SAMMSON: variants seen among roughly 807,000 people sequenced by gnomAD.
SAMMSON encodes survival associated mitochondrial melanoma specific oncogenic non-coding RNA.
intron 4 of SAMMSON, among the ~76,000 whole-genome samples, chr3:70,221,433 G>T (rs898381916): frequency 6.6e-6 from 1 of 152,144 alleles, no homozygotes; most frequent in African/African-American, 2.4e-5. Context: ...AACTGGTAAA[G>T]ATTAGGAGGA....
intron 2 of SAMMSON, among the ~76,000 whole-genome samples, chr3:70,419,022 TTTCTTTCTTTC>T (rs1220184889): frequency 6.9e-6 from 1 of 145,180 alleles, no homozygotes; most frequent in African/African-American, 2.6e-5. Context: ...TCTTTCCTTC[TTTCTTTCTTTC>T]TTCTTTCTTT....
intron 2 of SAMMSON, among the ~76,000 whole-genome samples, chr3:70,405,236 C>A (rs1701169109): frequency 6.6e-6 from 1 of 152,078 alleles, no homozygotes; most frequent in African/African-American, 2.4e-5. Flanking sequence ...ACCTTCCCTA[C>A]CAAAATTTTA....
chr3:70,239,906 C>A (rs1267329203), intron 4 of SAMMSON, among the ~76,000 whole-genome samples: 1 of 152,006 alleles, frequency 6.6e-6, no homozygotes, highest in Non-Finnish European at 1.5e-5. Flanking sequence ...TTTACTCTTG[C>A]GGACAAAATA....
intron 4 of SAMMSON, among the ~76,000 whole-genome samples, chr3:70,225,898 A>G (rs1701499822): frequency 6.6e-6 from 1 of 152,192 alleles, no homozygotes; most frequent in South Asian, 2.1e-4. Context: ...CTTAAGAATT[A>G]TGTTATCAAA....
At chr3:70,158,910 TTA>T (rs918251476) in intron 4 of SAMMSON, among the ~76,000 whole-genome samples, 1 of 152,058 alleles carries the variant, frequency 6.6e-6, no homozygotes, top group Non-Finnish European at 1.5e-5. Flanking sequence ...TAATTTCCTT[TTA>T]ATTGTAGGCA....
intron 6 of SAMMSON, among the ~76,000 whole-genome samples, chr3:70,262,262 G>A (rs777317327): frequency 3.7e-4 from 57 of 152,228 alleles, no homozygotes; most frequent in Non-Finnish European, 7.2e-4. Context: ...CTGAAAACAG[G>A]CAGTGAAGCT....
intron 4 of SAMMSON, among the ~76,000 whole-genome samples, chr3:70,233,647 T>C (rs980064306): frequency 3.3e-5 from 5 of 152,184 alleles, no homozygotes; most frequent in Non-Finnish European, 5.9e-5. Flanking sequence ...TTGTAATCCA[T>C]GCATCCCTCT....
In SAMMSON at chr3:70,351,025, T is replaced by C. The variant is rs74537472; in HGVS notation, n.740-3150T>C. 3.3e-3 allele frequency among the ~76,000 whole-genome samples: 501 copies of C among 152,302 alleles called. 3 individuals are homozygous for C. Among genetic ancestry groups the C allele is most frequent in the African/African-American group, 0.012 (480 of 41,572 alleles). On this transcript the variant is annotated intron_variant and non_coding_transcript_variant, in intron 7 of 9. Coordinates refer to ENST00000642114, the Ensembl canonical transcript of SAMMSON. ...AGCAGTGGTTCTATAGTACTCATAA[T>C]ATGTACCTGAAATATATCCTATTTC...
At chr3:70,043,210 G>C (rs566486679) in intron 3 of SAMMSON, among the ~76,000 whole-genome samples, 2 of 152,108 alleles carry the variant, frequency 1.3e-5, no homozygotes, top group South Asian at 2.1e-4. Context: ...TGCAAGCCTG[G>C]CTTTTGATAA....
chr3:70,288,541 T>C (rs907403172), intron 6 of SAMMSON, among the ~76,000 whole-genome samples: 2 of 150,018 alleles, frequency 1.3e-5, no homozygotes, highest in Non-Finnish European at 3.0e-5. Flanking sequence ...TTCTATTGAT[T>C]TGGGGTGGAG....
At chr3:70,207,806 A>G (rs1701306237) in intron 4 of SAMMSON, among the ~76,000 whole-genome samples, 1 of 152,062 alleles carries the variant, frequency 6.6e-6, no homozygotes, top group Admixed American at 6.6e-5. Context: ...ATTTTATATT[A>G]GAGACCTGAG....
chr3:70,324,369 A>G (rs146141134), intron 7 of SAMMSON, among the ~76,000 whole-genome samples: 3,891 of 152,204 alleles, frequency 0.026, 82 homozygotes, highest in Non-Finnish European at 0.038. Flanking sequence ...CTGTATTACC[A>G]TAGCTTAACT....
intron 6 of SAMMSON, among the ~76,000 whole-genome samples, chr3:70,282,493 G>C (rs560829763): frequency 6.6e-6 from 1 of 152,178 alleles, no homozygotes; most frequent in Non-Finnish European, 1.5e-5. Flanking sequence ...ATTGGGCCCT[G>C]AGCCTCTGGT....
At chr3:70,280,436 AC>A (rs1425288052) in intron 6 of SAMMSON, among the ~76,000 whole-genome samples, 4 of 151,964 alleles carry the variant, frequency 2.6e-5, no homozygotes, top group African/African-American at 9.7e-5. Context: ...TCTTACCCTT[AC>A]CACCCTAGGC....
intron 4 of SAMMSON, among the ~76,000 whole-genome samples, chr3:70,243,662 CA>C (rs1701680781): frequency 6.6e-6 from 1 of 152,170 alleles, no homozygotes. Flanking sequence ...TCGATGCCAG[CA>C]GCACCTTCTC....
chr3:70,171,140 A>G (rs1021359687), intron 4 of SAMMSON, among the ~76,000 whole-genome samples: 2 of 151,966 alleles, frequency 1.3e-5, no homozygotes, highest in African/African-American at 4.8e-5. Flanking sequence ...TCTTAAAAAA[A>G]CACATACACA....
In SAMMSON at chr3:70,276,669, T is replaced by C. The variant is rs144995900; in HGVS notation, n.675-14510T>C. Among the ~76,000 whole-genome samples, 1,305 of 152,342 alleles carry C rather than the reference T, an allele frequency of 8.6e-3. 23 individuals carry two copies. The highest frequency in any genetic ancestry group is 0.03 in the African/African-American group (1,245 of 41,574). On this transcript the variant is annotated intron_variant and non_coding_transcript_variant, in intron 6 of 9. Transcript: ENST00000642114. ...GATAAACTGTGACCCATGGTCTACA[T>C]ATGGCCTACTGCATTTTTTTGTAAG...
intron 2 of SAMMSON, among the ~76,000 whole-genome samples, chr3:70,418,508 C>A (rs1701283154): frequency 6.6e-6 from 1 of 152,212 alleles, no homozygotes; most frequent in Admixed American, 6.5e-5. Flanking sequence ...AAATACCCTG[C>A]CATCCTGGCA....
intron 3 of SAMMSON, among the ~76,000 whole-genome samples, chr3:70,044,494 A>G (rs977316270): frequency 1.3e-5 from 2 of 152,058 alleles, no homozygotes; most frequent in South Asian, 4.1e-4. Flanking sequence ...AGCCAACCAG[A>G]TATTCATTTT....
Sources: allele counts gnomAD v4.1 joint callset (sites outside exome capture counted in the v4.1 genomes callset), GRCh38; gene constraint gnomAD v4.1.1; transcripts MANE v1.5; gene names NCBI Gene and HGNC (gene_info 2026-07-23, HGNC 2026-07-21).